KNDC1: variants seen among roughly 807,000 people sequenced by gnomAD.
KNDC1 encodes kinase non-catalytic C-lobe domain containing 1.
Under a neutral mutation model 172.8 loss-of-function variants are expected in KNDC1, and 106 were observed. That is an observed-to-expected ratio of 0.61 (90% CI 0.52 to 0.72). The LOEUF (loss-of-function observed/expected upper bound fraction) is 0.72, where lower values mean the gene tolerates loss of function less well. KNDC1 is among the 30% of genes least tolerant of loss of function. The pLI is 0.00. For synonymous variants in KNDC1, 1,083 were observed against 1,062.2 expected, an observed-to-expected ratio of 1.02 and a Z score of -0.38; for missense variants, 2,325 against 2,394.5, an observed-to-expected ratio of 0.97 and a Z score of 0.61.
At chr10:133,185,834 G>C (rs1853882543) in intron 5 of KNDC1, 140 bp from the exon 6 acceptor site, 2 of 502,802 alleles carry the variant, frequency 4.0e-6, no homozygotes, top group Non-Finnish European at 6.9e-6. Flanking sequence ...CGTGGGAGGG[G>C]AGGAGAGGGG....
In KNDC1 at chr10:133,219,019, C is replaced by T; in HGVS notation, c.4801-12C>T. ...CACGGCCGCAGGAGGCTCACCTGTG[C>T]TTTCATTTCAGGCCTGGAGAATTCT... On this transcript the variant is annotated splice_polypyrimidine_tract_variant and intron_variant, in intron 27 of 29. Coordinates refer to ENST00000304613, the MANE Select transcript of KNDC1 (RefSeq NM_152643.8). The T allele has an allele frequency of 6.2e-7, 1 of 1,614,004 alleles. No homozygotes were observed. The highest frequency in any genetic ancestry group is 1.7e-4 in the Middle Eastern group (1 of 6,060).
chr10:133,218,788 T>C, intron 26 of KNDC1, 43 bp from the exon 27 acceptor site: 2 of 1,598,396 alleles, frequency 1.3e-6, no homozygotes, highest in East Asian at 2.2e-5. Context: ...CCTTTGTTCA[T>C]CTTAAACCAG....
chr10:133,198,607 C>A lies in KNDC1; in HGVS notation c.2099C>A (p.Ser700Tyr), dbSNP rs1334137891. Residue 700 changes from serine to tyrosine, a missense_variant, in exon 14 of 30, where the codon TCC becomes TAC. Coordinates refer to ENST00000304613, the MANE Select transcript of KNDC1 (RefSeq NM_152643.8). The part of the protein sequence containing the change: ...RDQPALAQEE[S>Y]EERGGQREGE... ...CAGCCTGCCTTGGCCCAGGAGGAGT[C>A]CGAGGAGAGGGGCGGCCAGAGGGAG... 6.3e-7 allele frequency: 1 copy of A among 1,599,556 alleles called. No homozygotes were observed. Among genetic ancestry groups the A allele is most frequent in the Non-Finnish European group, 8.5e-7 (1 of 1,172,844 alleles).
intron 8 of KNDC1, 32 bp from the exon 9 acceptor site, chr10:133,189,720 G>A: frequency 6.2e-7 from 1 of 1,614,044 alleles, no homozygotes; most frequent in Non-Finnish European, 8.5e-7. Flanking sequence ...CTCGCCAGGG[G>A]TGAGGAAAGC....
intron 3 of KNDC1, among the ~76,000 whole-genome samples, chr10:133,174,913 ATG>A (rs1853483430): frequency 6.8e-6 from 1 of 147,110 alleles, no homozygotes; most frequent in Non-Finnish European, 1.5e-5. Context: ...GGATAGGTGG[ATG>A]TGTGGATGGG....
Position 133,217,754 on chromosome 10 carries a change from C to T in KNDC1, c.4678-1077C>T, listed in dbSNP as rs960474967. On this transcript the variant is annotated intron_variant, in intron 26 of 29. Transcript: ENST00000304613. ...CGGGTGGATCATGAGGTCAGGAGTT[C>T]GAGACCTGCCTGGCCAATATGGTGA... 3.4e-4 allele frequency among the ~76,000 whole-genome samples: 51 copies of T among 151,914 alleles called. 1 individual carries two copies. The highest frequency in any genetic ancestry group is 1.2e-3 in the African/African-American group (48 of 41,398).
In KNDC1 at chr10:133,209,092, G is replaced by A. The variant is rs1251989511; in HGVS notation, c.3795-1519G>A. On this transcript the variant is annotated intron_variant, in intron 20 of 29. Coordinates refer to ENST00000304613, the MANE Select transcript of KNDC1 (RefSeq NM_152643.8). The surrounding 1 kb of genome is among the most constrained non-coding windows in gnomAD (Gnocchi z 4.9). The stretch of plus-strand genomic sequence containing the variant: ...ATGTGTGGGGTGATGTGTGGCTTGC[G>A]TGCCCATGTATGGTGTGTGATGTGG... 4.6e-5 allele frequency among the ~76,000 whole-genome samples: 7 copies of A among 151,466 alleles called. No individual in the cohort carries two copies. Among genetic ancestry groups the A allele is most frequent in the South Asian group, 2.1e-4 (1 of 4,758 alleles).
Position 133,186,233 on chromosome 10 carries a change from C to T in KNDC1, c.885C>T (p.Asp295=), listed in dbSNP as rs1183514245. The change falls in exon 6 of 30, where the codon GAC becomes GAT. Residue 295 remains aspartate (D), a synonymous_variant. Coordinates refer to ENST00000304613, the MANE Select transcript of KNDC1 (RefSeq NM_152643.8). The part of the protein sequence containing the change: ...AERTLGELDR[D]ALRRSRLRKV... Reference sequence around the variant, plus strand: ...GCACCCTCGGGGAGCTGGACAGAGACGCCCTCAGGAGAAGCCGCCTGCGGA... The same window carrying T: ...GCACCCTCGGGGAGCTGGACAGAGATGCCCTCAGGAGAAGCCGCCTGCGGA... 9.4e-6 allele frequency: 15 copies of T among 1,589,224 alleles called. No individual in the cohort carries two copies. Among genetic ancestry groups the T allele is most frequent in the Middle Eastern group, 1.7e-4 (1 of 5,932 alleles).
chr10:133,225,048 T>C lies in KNDC1; in HGVS notation c.*158T>C. The C allele has an allele frequency of 3.1e-6, 2 of 635,016 alleles. No individual in the cohort carries two copies. Among genetic ancestry groups the C allele is most frequent in the Non-Finnish European group, 5.6e-6 (2 of 354,910 alleles). The allele number at this position is 635,016 out of a possible 1,614,324, so 39.3% of individuals were successfully genotyped here. A position where few individuals can be genotyped will look rare whatever the true frequency, so the allele number is the denominator to read the frequency against. ...GGAGGTGGAGGCTCAGGGGACCCCA[T>C]GGGGACAGGCAGAGCTGGTCTCCTC... On this transcript the variant is annotated 3_prime_UTR_variant, in exon 30 of 30. Coordinates refer to ENST00000304613, the MANE Select transcript of KNDC1 (RefSeq NM_152643.8).
chr10:133,167,474 A>C lies in KNDC1; in HGVS notation c.196A>C (p.Met66Leu). 1 of 1,606,788 alleles carries C rather than the reference A, an allele frequency of 6.2e-7. No homozygotes were observed. The highest frequency in any genetic ancestry group is 8.5e-7 in the Non-Finnish European group (1 of 1,177,564). The stretch of plus-strand genomic sequence containing the variant: ...CGTGTGCCTGGAGTGCAGCCTGTCC[A>C]TGCGGAGCGTGGCCCACGCCGCCAT... ...WAVCLECSLS[M>L]RSVAHAAIFQ... is the part of the protein sequence containing the mutation. Residue 66 changes from methionine (M) to leucine (L), a missense_variant, in exon 2 of 30, where the codon ATG (methionine) becomes CTG (leucine). Coordinates refer to ENST00000304613, the MANE Select transcript of KNDC1 (RefSeq NM_152643.8).
rs1196857010 is a variant in KNDC1, at chr10:133,186,218, G to A, written c.870G>A (p.Gly290=). 1 of 1,579,042 alleles carries A rather than the reference G, an allele frequency of 6.3e-7. No homozygotes were observed. The highest frequency in any genetic ancestry group is 8.6e-7 in the Non-Finnish European group (1 of 1,163,164). ...GLVLDAERTL[G]ELDRDALRRS... ...TCCTGGATGCCGAGCGCACCCTCGG[G>A]GAGCTGGACAGAGACGCCCTCAGGA... Residue 290 remains glycine, a synonymous_variant, in exon 6 of 30, where the codon GGG becomes GGA. Transcript: ENST00000304613.
chr10:133,179,889 G>A (rs764760432), intron 3 of KNDC1, among the ~76,000 whole-genome samples: 5 of 152,184 alleles, frequency 3.3e-5, no homozygotes, highest in African/African-American at 4.8e-5. Context: ...CTCCGCTGAC[G>A]GCCAAGCCCA....
chr10:133,202,173 A>T (rs1432607264), intron 17 of KNDC1: 1 of 683,268 alleles, frequency 1.5e-6, no homozygotes, highest in Non-Finnish European at 2.7e-6. Flanking sequence ...CGCCCGGGCG[A>T]TGGGTTCACA....
At chr10:133,189,870 C>T (rs751336533) in intron 9 of KNDC1, 57 bp downstream of exon 9, 15 of 1,392,306 alleles carry the variant, frequency 1.1e-5, no homozygotes, top group Middle Eastern at 2.3e-4. Context: ...GGGGATGCCA[C>T]GTCCCCCATC....
chr10:133,168,413 A>G (rs1564873099), intron 3 of KNDC1, 101 bp downstream of exon 3: 2 of 1,252,546 alleles, frequency 1.6e-6, no homozygotes, highest in South Asian at 1.2e-5. Flanking sequence ...GACCTCTGCA[A>G]GTGGCCTCTG....
intron 29 of KNDC1, among the ~76,000 whole-genome samples, chr10:133,222,088 C>T (rs1414504151): frequency 2.0e-5 from 3 of 150,304 alleles, no homozygotes; most frequent in Admixed American, 6.6e-5. Context: ...TCAAGACCAG[C>T]CTGGCCAACA....
At chr10:133,217,659 T>C (rs1300867782) in intron 26 of KNDC1, among the ~76,000 whole-genome samples, 1 of 145,330 alleles carries the variant, frequency 6.9e-6, no homozygotes, top group African/African-American at 2.6e-5. Context: ...GCTGACATGG[T>C]GAAACCCCAT....
chr10:133,178,254 C>T (rs949389434), intron 3 of KNDC1, among the ~76,000 whole-genome samples: 2 of 151,900 alleles, frequency 1.3e-5, no homozygotes, highest in African/African-American at 4.8e-5. Context: ...ATGTCACAGG[C>T]ACACATGTGT....
At position 133,208,561 on chromosome 10, in the gene KNDC1, C is replaced by A. The variant is rs980527310; in HGVS notation, c.3794+1210C>A. Reference sequence around the variant, plus strand: ...CCCCCCAACCCCGTTACCCCAAGGACCCTCTAGAGAGGGACGTGGCCCCAC... The same window carrying A: ...CCCCCCAACCCCGTTACCCCAAGGAACCTCTAGAGAGGGACGTGGCCCCAC... On this transcript the variant is annotated intron_variant, in intron 20 of 29. Transcript: ENST00000304613. Among the ~76,000 whole-genome samples the A allele has an allele frequency of 5.1e-4, 52 of 102,680 alleles. 12 individuals carry two copies. The highest frequency in any genetic ancestry group is 4.9e-3 in the Admixed American group (51 of 10,466). The allele number at this position is 102,680 out of a possible 152,430, so 67.4% of individuals were successfully genotyped here. A position where few individuals can be genotyped will look rare whatever the true frequency, so the allele number is the denominator to read the frequency against.
Sources: gnomAD v4.1 joint callset for allele counts (sites outside exome capture counted in the v4.1 genomes callset) on GRCh38, gnomAD v4.1.1 for gene constraint, Gnocchi (gnomAD v3.1) non-coding constraint, MANE v1.5 for transcripts, NCBI Gene and HGNC (gene_info 2026-07-23, HGNC 2026-07-21) for gene names.